The following DDX50 variants were observed in gnomAD, a reference collection of about 807,000 sequenced individuals.
DDX50 encodes ATP-dependent RNA helicase DDX50.
DDX50 carries 56 observed loss-of-function variants against 94.8 expected under a neutral mutation model. The ratio of observed to expected loss-of-function variants is 0.59; its 90% CI spans 0.48 to 0.74. DDX50 has a LOEUF of 0.74. Ranked by LOEUF, DDX50 falls within the 30% of genes least tolerant of loss-of-function variation. DDX50 has a pLI of 0.00. For synonymous variants in DDX50, 264 were observed against 295.4 expected (o/e 0.89, Z 1.09); for missense variants, 713 against 881.2 (o/e 0.81, Z 2.42).
intron 1 of DDX50, among the ~76,000 whole-genome samples, chr10:68,902,967 A>G (rs1841334289): frequency 6.6e-6 from 1 of 152,212 alleles, no homozygotes; most frequent in South Asian, 2.1e-4. Context: ...ATCCATCCTT[A>G]TGTTTCACTA....
chr10:68,916,339 T>C (rs1841790400), intron 7 of DDX50, among the ~76,000 whole-genome samples: 1 of 133,484 alleles, frequency 7.5e-6, no homozygotes, highest in Non-Finnish European at 1.6e-5. Context: ...GGACAACAGA[T>C]TGAGACTCTG....
At chr10:68,922,850 C>T (rs1464719115) in intron 8 of DDX50, among the ~76,000 whole-genome samples, 1 of 139,800 alleles carries the variant, frequency 7.2e-6, no homozygotes. Context: ...TGTAGTGGTA[C>T]AATCTCGGCT....
chr10:68,926,991 C>T (rs965954267), intron 8 of DDX50, among the ~76,000 whole-genome samples: 1 of 152,106 alleles, frequency 6.6e-6, no homozygotes, highest in Non-Finnish European at 1.5e-5. Context: ...CGGCTCACTG[C>T]AGCCTCAGTC....
chr10:68,926,805 A>ACACACACACACACT (rs200147426), intron 8 of DDX50, among the ~76,000 whole-genome samples: 14 of 151,140 alleles, frequency 9.3e-5, no homozygotes, highest in African/African-American at 3.4e-4. Flanking sequence ...ACACACACAC[A>ACACACACACACACT]CACTTTTGGA....
At chr10:68,901,709 C>T (rs1157743859) in intron 1 of DDX50, among the ~76,000 whole-genome samples, 1 of 152,218 alleles carries the variant, frequency 6.6e-6, no homozygotes, top group African/African-American at 2.4e-5. Context: ...TCAGCCCTTC[C>T]CGTTGGCGCC....
rs1444839814 is a variant in DDX50 at position 68,906,820 on chromosome 10, T to C, written c.197T>C (p.Met66Thr). 4 of 1,613,616 alleles carry C rather than the reference T, an allele frequency of 2.5e-6. No homozygotes were observed. The highest frequency in any genetic ancestry group is 3.4e-6 in the Non-Finnish European group (4 of 1,179,932). The change falls in exon 2 of 15, where the codon ATG (methionine) becomes ACG (threonine). Residue 66 changes from methionine to threonine, a missense_variant. By Grantham distance (81) the Met-to-Thr change is moderately conservative (BLOSUM62 -1). Around this residue, in one of 2 missense-constraint regions of DDX50, gnomAD observed 285 missense variants for 278.9 expected, o/e 1.02. Coordinates refer to ENST00000373585, the MANE Select transcript of DDX50 (RefSeq NM_024045.2). ...GCTCCCAAGGCCAAAAAATCTAAAA[T>C]GAAAGAGAAGCTAAATGGAGACACT... ...LDAPKAKKSK[M>T]KEKLNGDTEE...
chr10:68,941,305 G>A (rs1842548176), intron 13 of DDX50, 111 bp downstream of exon 13: 3 of 1,357,470 alleles, frequency 2.2e-6, no homozygotes, highest in Non-Finnish European at 3.0e-6. Context: ...GAATAATGCT[G>A]TTTTTTCTCT....
intron 2 of DDX50, among the ~76,000 whole-genome samples, chr10:68,907,425 C>T (rs996592071): frequency 6.7e-6 from 1 of 150,278 alleles, no homozygotes; most frequent in Admixed American, 6.7e-5. Context: ...AAGCGATTCT[C>T]CTGAGTCAGC....
At chr10:68,937,142 T>C (rs1397825528) in intron 12 of DDX50, 47 bp downstream of exon 12, 2 of 1,537,852 alleles carry the variant, frequency 1.3e-6, no homozygotes, top group Non-Finnish European at 1.8e-6. Context: ...AAGGTTAAAA[T>C]TGAACATAGG....
intron 2 of DDX50, among the ~76,000 whole-genome samples, chr10:68,908,182 G>A (rs1841513123): frequency 1.3e-5 from 2 of 152,114 alleles, no homozygotes; most frequent in African/African-American, 4.8e-5. Flanking sequence ...TGGGCGCAGT[G>A]GCTCACGCCT....
At chr10:68,904,336 G>C (rs1841380373) in intron 1 of DDX50, among the ~76,000 whole-genome samples, 1 of 151,964 alleles carries the variant, frequency 6.6e-6, no homozygotes, top group Non-Finnish European at 1.5e-5. Context: ...AGTGAATAGT[G>C]GTCTGGTATT....
At chr10:68,936,731 C>T (rs1028612500) in intron 11 of DDX50, among the ~76,000 whole-genome samples, 4 of 150,886 alleles carry the variant, frequency 2.7e-5, no homozygotes, top group South Asian at 4.2e-4. Context: ...GTCCCAGCTA[C>T]TTGGAAGGCT....
rs539231765 is a variant in DDX50 at position 68,910,290 on chromosome 10, T to C, written c.385-17T>C. On this transcript the variant is annotated splice_polypyrimidine_tract_variant and intron_variant, in intron 2 of 14. Transcript: ENST00000373585. ...GTTGAGTATAAATTATTTAGGCCAT[T>C]GATTTCATTTTTACAGACCTTAACA... 6.3e-7 allele frequency: 1 copy of C among 1,581,116 alleles called. No individual in the cohort carries two copies. Among genetic ancestry groups the C allele is most frequent in the Admixed American group, 1.9e-5 (1 of 51,282 alleles).
intron 8 of DDX50, among the ~76,000 whole-genome samples, chr10:68,928,781 C>T (rs74139936): frequency 0.069 from 10,574 of 152,182 alleles, 470 homozygotes; most frequent in African/African-American, 0.12. Flanking sequence ...CTCCTATACC[C>T]ACTCTGTCTC....
intron 14 of DDX50, among the ~76,000 whole-genome samples, chr10:68,944,324 CT>C (rs1483343951): frequency 2.0e-5 from 3 of 152,024 alleles, no homozygotes; most frequent in Admixed American, 2.0e-4. Flanking sequence ...CCTGTGTATA[CT>C]TTACTGTGTA....
rs375117524 is a variant in DDX50 at position 68,937,024 on chromosome 10, T to C, written c.1684T>C (p.Leu562=). ...LIEEKGAVDA[L]AAALAHISGA... ...AGAAGAGAAAGGTGCAGTGGATGCATTGGCTGCAGCTTTAGCCCACATTTC... is the reference window on the plus strand; with the variant it reads ...AGAAGAGAAAGGTGCAGTGGATGCACTGGCTGCAGCTTTAGCCCACATTTC... The change falls in exon 12 of 15, where the codon TTG becomes CTG. Residue 562 remains leucine, a synonymous_variant. Coordinates refer to ENST00000373585, the MANE Select transcript of DDX50 (RefSeq NM_024045.2). The C allele has an allele frequency of 2.2e-5, 36 of 1,612,686 alleles. No homozygotes were observed. The highest frequency in any genetic ancestry group is 2.0e-4 in the Middle Eastern group (1 of 5,012).
At chr10:68,933,759 A>C (rs1564614950) in intron 8 of DDX50, among the ~76,000 whole-genome samples, 1 of 151,826 alleles carries the variant, frequency 6.6e-6, no homozygotes. Context: ...ACATGGTGAA[A>C]CCCTGTTTCT....
chr10:68,943,762 T>C (rs1457801284), intron 14 of DDX50, among the ~76,000 whole-genome samples: 1 of 151,888 alleles, frequency 6.6e-6, no homozygotes, highest in African/African-American at 2.4e-5. Context: ...TAAAAAATTT[T>C]TGTAGAAACA....
In DDX50 at chr10:68,934,904, G is replaced by A; in HGVS notation, c.1507G>A (p.Val503Met). The A allele has an allele frequency of 6.8e-6, 11 of 1,611,978 alleles. No homozygotes were observed. Among genetic ancestry groups the A allele is most frequent in the Non-Finnish European group, 9.3e-6 (11 of 1,179,098 alleles). Residue 503 changes from valine (V) to methionine (M), a missense_variant, in exon 10 of 15, where the codon GTG becomes ATG. Coordinates refer to ENST00000373585, the MANE Select transcript of DDX50 (RefSeq NM_024045.2). The surrounding 1 kb of genome is among the most constrained non-coding windows in gnomAD (Gnocchi z 4.0). Reference protein sequence around the residue: ...QPRERGQLRYVEQKAGITFKR... With the variant: ...QPRERGQLRYMEQKAGITFKR... ...AAGAGAAAGAGGTCAACTAAGATAT[G>A]TGGAACAAAAAGCAGTAAGTAGAGT...
Sources: gnomAD v4.1 joint callset for allele counts (sites outside exome capture counted in the v4.1 genomes callset) on GRCh38, gnomAD v4.1.1 for gene constraint, gnomAD v4.1.1 regional missense constraint, Gnocchi (gnomAD v3.1) non-coding constraint, MANE v1.5 for transcripts, NCBI Gene and HGNC (gene_info 2026-07-23, HGNC 2026-07-21) for gene names.